Variants in INTS8 observed in about 807,000 individuals in gnomAD.
INTS8 encodes the protein integrator complex subunit 8, also known as protein kaonashi-1.
INTS8 carries 47 observed loss-of-function variants against 138.9 expected under a neutral mutation model. The observed-to-expected ratio is 0.34, with a 90% confidence interval of 0.27 to 0.43. The LOEUF (loss-of-function observed/expected upper bound fraction) is 0.43, where lower values mean the gene tolerates loss of function less well. Ranked by LOEUF, INTS8 falls within the 20% of genes least tolerant of loss-of-function variation. INTS8 has a pLI of 1.00. For synonymous variants in INTS8, 392 were observed against 400.9 expected (o/e 0.98, Z 0.27); for missense variants, 996 against 1,173.0 (o/e 0.85, Z 2.20).
At position 94,880,591 on chromosome 8, in the gene INTS8, A is replaced by G; in HGVS notation, c.*357A>G. 2.9e-6 allele frequency: 1 copy of G among 340,908 alleles called. No individual in the cohort carries two copies. Among genetic ancestry groups the G allele is most frequent in the Non-Finnish European group, 5.2e-6 (1 of 192,460 alleles). 21.1% of individuals were successfully genotyped at this position (340,908 alleles called of 1,614,324 possible). On this transcript the variant is annotated 3_prime_UTR_variant, in exon 27 of 27. Coordinates refer to ENST00000523731, the MANE Select transcript of INTS8 (RefSeq NM_017864.4). ...AAGTTTTCATGTCTTTTTTTAATAA[A>G]TAGATTTCTAGGAGTCAGTATATAT...
chr8:94,877,853 T>A (rs945827594), intron 26 of INTS8, among the ~76,000 whole-genome samples: 1 of 152,160 alleles, frequency 6.6e-6, no homozygotes, highest in Non-Finnish European at 1.5e-5. Context: ...GATATTGAGT[T>A]TTGTGACATT....
At chr8:94,838,769 A>G in intron 8 of INTS8, 151 bp downstream of exon 8, 1 of 589,730 alleles carries the variant, frequency 1.7e-6, no homozygotes, top group South Asian at 2.3e-5. Context: ...TAATTATCCC[A>G]TTTCCTAAGA....
In INTS8 at chr8:94,866,150, T is replaced by A; in HGVS notation, c.2262-8T>A. On this transcript the variant is annotated splice_polypyrimidine_tract_variant and splice_region_variant and intron_variant, in intron 17 of 26. Coordinates refer to ENST00000523731, the MANE Select transcript of INTS8 (RefSeq NM_017864.4). ...TTAAATGTGTATTCAAAAATTTTTG[T>A]TTTGTAGGAGTGAACTGCTTTCTTT... is the stretch of plus-strand genomic sequence containing the variant. 1 of 1,225,672 alleles carries A rather than the reference T, an allele frequency of 8.2e-7. No homozygotes were observed. Among genetic ancestry groups the A allele is most frequent in the Non-Finnish European group, 1.2e-6 (1 of 857,230 alleles). The allele number at this position is 1,225,672 out of a possible 1,614,324, so 75.9% of individuals were successfully genotyped here.
chr8:94,867,023 C>G, intron 18 of INTS8, 117 bp from the exon 19 acceptor site: 1 of 791,690 alleles, frequency 1.3e-6, no homozygotes, highest in South Asian at 1.9e-5. Context: ...AAAACAGATG[C>G]TACATTTTCA....
chr8:94,881,319 TAAACAC>T lies in INTS8; in HGVS notation c.*1087_*1092del, dbSNP rs1816800696. 2.7e-6 allele frequency: 1 copy of T among 375,762 alleles called. No individual in the cohort carries two copies. The highest frequency in any genetic ancestry group is 4.3e-5 in the Admixed American group (1 of 23,392). The allele number at this position is 375,762 out of a possible 1,614,324, so 23.3% of individuals were successfully genotyped here. A position where few individuals can be genotyped will look rare whatever the true frequency, so the allele number is the denominator to read the frequency against. On this transcript the variant is annotated 3_prime_UTR_variant, in exon 27 of 27. Transcript: ENST00000523731. ...TGACAAAATTCCTAGTTTATCAAGA[TAAACAC>T]AGTAACACTGGATTAAAGGAAAAAC...
Position 94,827,259 on chromosome 8 carries a change from C to G in INTS8, c.306-4C>G. On this transcript the variant is annotated splice_region_variant and splice_polypyrimidine_tract_variant and intron_variant, in intron 2 of 26. Coordinates refer to ENST00000523731, the MANE Select transcript of INTS8 (RefSeq NM_017864.4). Reference sequence around the variant, plus strand: ...TGCAAACATGTACGTTTTGCTTCTTCAAGTTTGTCTGTTCCAGTATTGAAT... The same window carrying G: ...TGCAAACATGTACGTTTTGCTTCTTGAAGTTTGTCTGTTCCAGTATTGAAT... 1 of 1,612,444 alleles carries G rather than the reference C, an allele frequency of 6.2e-7. No homozygotes were observed. The highest frequency in any genetic ancestry group is 8.5e-7 in the Non-Finnish European group (1 of 1,178,926).
intron 20 of INTS8, among the ~76,000 whole-genome samples, chr8:94,869,299 ATTGGTGGTTTCAG>A: frequency 6.6e-6 from 1 of 151,436 alleles, no homozygotes; most frequent in Non-Finnish European, 1.5e-5. Context: ...GCATTTTTTA[ATTGGTGGTTTCAG>A]TGGTTGTGTT....
intron 6 of INTS8, among the ~76,000 whole-genome samples, chr8:94,836,118 A>G (rs139315004): frequency 6.6e-6 from 1 of 152,084 alleles, no homozygotes; most frequent in Non-Finnish European, 1.5e-5. Context: ...GTTTCCGGGG[A>G]CAGCACTTGC....
chr8:94,877,993 T>G (rs1407854569), intron 26 of INTS8, among the ~76,000 whole-genome samples: 1 of 152,206 alleles, frequency 6.6e-6, no homozygotes, highest in Non-Finnish European at 1.5e-5. Context: ...TTTTTAAGTT[T>G]CCCGGGTAGT....
intron 7 of INTS8, among the ~76,000 whole-genome samples, chr8:94,837,074 T>G (rs972265176): frequency 2.6e-5 from 4 of 152,236 alleles, no homozygotes; most frequent in Admixed American, 1.3e-4. Context: ...TATTGCCATG[T>G]CAATGGTTAT....
Position 94,828,871 on chromosome 8 carries a change from T to G in INTS8, c.519-104T>G, listed in dbSNP as rs776204017. On this transcript the variant is annotated intron_variant, in intron 4 of 26. Transcript: ENST00000523731. ...TGAAAATGAATAACATTAAAAACAC[T>G]CTTAAATTGAACCTGACTTTCAAGA... 63 of 729,664 alleles carry G rather than the reference T, an allele frequency of 8.6e-5. No homozygotes were observed. In the Middle Eastern group the frequency reaches 1.0e-3, roughly 12 times the overall value. The allele number at this position is 729,664 out of a possible 1,614,324, so 45.2% of individuals were successfully genotyped here.
intron 12 of INTS8, among the ~76,000 whole-genome samples, chr8:94,850,638 C>G (rs1815506088): frequency 6.7e-6 from 1 of 148,874 alleles, no homozygotes; most frequent in Non-Finnish European, 1.5e-5. Context: ...AAAAGATTTT[C>G]ACCGGAGAAA....
rs1365607448 is a variant in INTS8, at chr8:94,823,318, T to C, written c.-114T>C. ...TTGGATTGTGTGAGTTTCCGGGACG[T>C]TCGGAGGGTGGCCTCTCTCCCACCG... On this transcript the variant is annotated 5_prime_UTR_variant, in exon 1 of 27. Transcript: ENST00000523731. 8 of 1,519,872 alleles carry C rather than the reference T, an allele frequency of 5.3e-6. No individual in the cohort carries two copies. The highest frequency in any genetic ancestry group is 1.4e-5 in the African/African-American group (1 of 72,566). 94.1% of individuals were successfully genotyped at this position (1,519,872 alleles called of 1,614,324 possible). A position where few individuals can be genotyped will look rare whatever the true frequency, so the allele number is the denominator to read the frequency against.
At chr8:94,847,216 A>G (rs1389814678) in intron 10 of INTS8, among the ~76,000 whole-genome samples, 2 of 151,866 alleles carry the variant, frequency 1.3e-5, no homozygotes, top group African/African-American at 4.8e-5. Context: ...ATTTTTTTGT[A>G]GTTTTATTAG....
At chr8:94,870,584 T>C (rs1816361092) in intron 20 of INTS8, among the ~76,000 whole-genome samples, 1 of 152,218 alleles carries the variant, frequency 6.6e-6, no homozygotes, top group South Asian at 2.1e-4. Context: ...ACTTGATATA[T>C]AGAATTCTTA....
In INTS8 at chr8:94,831,986, C is replaced by A; in HGVS notation, c.571-6C>A. ...TGTATTTTTATTTGTTTATTGATTT[C>A]TGTAGCTCAAAGAACAAGCTGCTGA... On this transcript the variant is annotated splice_polypyrimidine_tract_variant and splice_region_variant and intron_variant, in intron 5 of 26. Transcript: ENST00000523731. 6.3e-7 allele frequency: 1 copy of A among 1,578,924 alleles called. No homozygotes were observed. The highest frequency in any genetic ancestry group is 1.4e-5 in the African/African-American group (1 of 72,938).
intron 4 of INTS8, 48 bp from the exon 5 acceptor site, chr8:94,828,927 C>G (rs775800845): frequency 1.6e-6 from 2 of 1,269,900 alleles, no homozygotes; most frequent in African/African-American, 2.9e-5. Context: ...ATTTTTTAGT[C>G]TTGAGAGTAA....
intron 23 of INTS8, 175 bp from the exon 24 acceptor site, chr8:94,875,899 A>G: frequency 1.8e-6 from 1 of 563,090 alleles, no homozygotes; most frequent in Non-Finnish European, 3.2e-6. Flanking sequence ...GATGAAGAGA[A>G]TATTGGTCAG....
chr8:94,859,672 T>A, intron 16 of INTS8, 40 bp downstream of exon 16: 1 of 1,511,620 alleles, frequency 6.6e-7, no homozygotes, highest in Non-Finnish European at 9.1e-7. Context: ...AGGATGGTAT[T>A]ATTATACTTG....
Sources: allele counts gnomAD v4.1 joint callset (sites outside exome capture counted in the v4.1 genomes callset), GRCh38; gene constraint gnomAD v4.1.1; transcripts MANE v1.5; gene names NCBI Gene and HGNC (gene_info 2026-07-23, HGNC 2026-07-21).